The following INTS13 variants were observed in gnomAD, a reference collection of about 807,000 sequenced individuals.
INTS13 encodes the protein asunder, spermatogenesis regulator homolog (Drosphila).
Under a neutral mutation model 90.2 loss-of-function variants are expected in INTS13, and 35 were observed. The ratio of observed to expected loss-of-function variants is 0.39; its 90% CI spans 0.30 to 0.51. The LOEUF (loss-of-function observed/expected upper bound fraction) is 0.51, where lower values mean the gene tolerates loss of function less well. INTS13 is among the 20% of genes least tolerant of loss of function. The pLI is 0.80. For synonymous variants in INTS13, 309 were observed against 277.1 expected (o/e 1.11, Z -1.14); for missense variants, 601 against 851.2 (o/e 0.71, Z 3.66).
chr12:26,908,518 T>C (rs993535903), intron 15 of INTS13, among the ~76,000 whole-genome samples: 1 of 151,360 alleles, frequency 6.6e-6, no homozygotes, highest in East Asian at 1.9e-4. Flanking sequence ...CCAATCTATA[T>C]CAACAAATGG....
chr12:26,925,150 A>T (rs1214745230), intron 6 of INTS13, among the ~76,000 whole-genome samples: 7 of 152,150 alleles, frequency 4.6e-5, no homozygotes, highest in Non-Finnish European at 8.8e-5. Context: ...ATGACTAAAA[A>T]TACCACTTAA....
At chr12:26,906,487 T>TACTTCCAA in intron 15 of INTS13, 50 bp from the exon 16 acceptor site, 2 of 1,513,242 alleles carry the variant, frequency 1.3e-6, no homozygotes, top group South Asian at 1.2e-5. Context: ...AATAATTTAT[T>TACTTCCAA]ATTTCCAAAT....
rs756354936 is a variant in INTS13, at chr12:26,917,726, C to T, written c.897G>A (p.Ser299=). The T allele has an allele frequency of 6.2e-6, 10 of 1,612,422 alleles. No individual in the cohort carries two copies. Among genetic ancestry groups the T allele is most frequent in the South Asian group, 1.1e-5 (1 of 91,054 alleles). Residue 299 remains serine (S), a synonymous_variant, in exon 9 of 17, where the codon TCG becomes TCA. Transcript: ENST00000261191. ...CTTCTCGACTGCCGCCACCTAGATG[C>T]GAATCACCTTTAAAAATATGTCAGA... ...AHVDFLKSGD[S]HLGGGSREGS... is the part of the protein sequence containing the mutation.
At position 26,917,338 on chromosome 12, in the gene INTS13, ATAAT is replaced by A. The variant is rs1592208193; in HGVS notation, c.1069+10_1069+13del. ...AAATAATTTCAGTCAAAACCATTAA[ATAAT>A]TAAAGTTACCATTTAGAAGAAAATT... On this transcript the variant is annotated intron_variant, in intron 10 of 16. Transcript: ENST00000261191. The A allele has an allele frequency of 4.6e-6, 5 of 1,091,066 alleles. No individual in the cohort carries two copies. The South Asian group carries it at 5.6e-5, about 12-fold the overall frequency. 67.6% of individuals were successfully genotyped at this position (1,091,066 alleles called of 1,614,324 possible). A position where few individuals can be genotyped will look rare whatever the true frequency, so the allele number is the denominator to read the frequency against.
chr12:26,928,622 T>C, intron 4 of INTS13, 81 bp downstream of exon 4: 1 of 1,388,706 alleles, frequency 7.2e-7, no homozygotes, highest in South Asian at 1.2e-5. Context: ...CATGTAAACA[T>C]GCTGTCTCTA....
At chr12:26,908,142 T>C (rs1051737253) in intron 15 of INTS13, among the ~76,000 whole-genome samples, 2 of 152,084 alleles carry the variant, frequency 1.3e-5, no homozygotes, top group African/African-American at 4.8e-5. Flanking sequence ...GGGAGCACAA[T>C]TATAGGAAGA....
At chr12:26,930,751 C>A (rs1202218185) in intron 3 of INTS13, among the ~76,000 whole-genome samples, 1 of 151,648 alleles carries the variant, frequency 6.6e-6, no homozygotes, top group Non-Finnish European at 1.5e-5. Flanking sequence ...GAGGTGCAGT[C>A]AGTAGGTACA....
intron 8 of INTS13, 47 bp from the exon 9 acceptor site, chr12:26,917,780 A>C: frequency 3.0e-6 from 4 of 1,328,458 alleles, no homozygotes; most frequent in Non-Finnish European, 4.3e-6. Context: ...CATGTATCAA[A>C]ACATCACACT....
At position 26,936,630 on chromosome 12, in the gene INTS13, A is replaced by C. The variant is rs1938478213; in HGVS notation, c.174T>G (p.Ser58=). Reference sequence around the variant, plus strand: ...ACATTATTCTACAATATTCCATGGAAGATTCTACTGAGCAAGTCCACAATG... The same window carrying C: ...ACATTATTCTACAATATTCCATGGACGATTCTACTGAGCAAGTCCACAATG... ...SKSLWTCSVE[S]SMEYCRIMYD... is the part of the protein sequence containing the mutation. The change falls in exon 2 of 17, where the codon TCT becomes TCG. Residue 58 remains serine, a synonymous_variant. Transcript: ENST00000261191. 6.2e-6 allele frequency: 10 copies of C among 1,613,320 alleles called. No homozygotes were observed. Among genetic ancestry groups the C allele is most frequent in the Non-Finnish European group, 8.5e-6 (10 of 1,179,412 alleles).
At position 26,913,982 on chromosome 12, in the gene INTS13, G is replaced by A. The variant is rs755985515; in HGVS notation, c.1566C>T (p.Gly522=). ...PISTVGTRGK[G]PKRDEQYRIM... is the part of the protein sequence containing the mutation. ...AAGAAAAAAAAATGTACCTTTTAGG[G>A]CCCTTTCCTCTTGTACCAACTGTGG... is the stretch of plus-strand genomic sequence containing the variant. The change falls in exon 13 of 17, where the codon GGC becomes GGT. Residue 522 remains glycine (G), a synonymous_variant. Coordinates refer to ENST00000261191, the MANE Select transcript of INTS13 (RefSeq NM_018164.3). 2 of 1,604,642 alleles carry A rather than the reference G, an allele frequency of 1.2e-6. No individual in the cohort carries two copies. The highest frequency in any genetic ancestry group is 1.7e-6 in the Non-Finnish European group (2 of 1,177,764).
chr12:26,909,807 A>C (rs1471956523), intron 15 of INTS13, among the ~76,000 whole-genome samples: 2 of 152,240 alleles, frequency 1.3e-5, no homozygotes, highest in African/African-American at 4.8e-5. Context: ...GAAGAATATA[A>C]CATGTATCAC....
intron 8 of INTS13, among the ~76,000 whole-genome samples, chr12:26,920,500 G>C (rs1178532547): frequency 6.6e-6 from 1 of 151,654 alleles, no homozygotes; most frequent in Non-Finnish European, 1.5e-5. Flanking sequence ...CCGGGTTCAA[G>C]CGATTCCCCT....
chr12:26,912,418 T>C (rs867951231), intron 14 of INTS13, among the ~76,000 whole-genome samples: 4 of 152,090 alleles, frequency 2.6e-5, no homozygotes, highest in Non-Finnish European at 4.4e-5. Context: ...GCCTGGGTGA[T>C]AGAGCGAGAC....
At chr12:26,921,206 C>T (rs1302035034) in intron 8 of INTS13, among the ~76,000 whole-genome samples, 1 of 152,222 alleles carries the variant, frequency 6.6e-6, no homozygotes, top group African/African-American at 2.4e-5. Flanking sequence ...CCAGAGTCTT[C>T]TCCCCTAAAC....
At chr12:26,930,038 G>A (rs552449197) in intron 3 of INTS13, among the ~76,000 whole-genome samples, 2 of 152,138 alleles carry the variant, frequency 1.3e-5, no homozygotes, top group East Asian at 1.9e-4. Flanking sequence ...ACAATAATCT[G>A]AAGACTAAAT....
At chr12:26,935,932 T>C (rs1003425047) in intron 2 of INTS13, among the ~76,000 whole-genome samples, 2 of 152,192 alleles carry the variant, frequency 1.3e-5, no homozygotes, top group Non-Finnish European at 2.9e-5. Flanking sequence ...AAGATTAAAC[T>C]TTAATACCTG....
At chr12:26,913,316 G>C in intron 14 of INTS13, 141 bp downstream of exon 14, 1 of 668,008 alleles carries the variant, frequency 1.5e-6, no homozygotes, top group African/African-American at 1.8e-5. Flanking sequence ...TTTTAAGAAT[G>C]ATAAAATTAC....
intron 8 of INTS13, among the ~76,000 whole-genome samples, chr12:26,919,223 T>C (rs561816884): frequency 1.1e-4 from 17 of 151,688 alleles, no homozygotes; most frequent in Admixed American, 2.6e-4. Flanking sequence ...GGAAAGACTA[T>C]TCAGGCAAAA....
intron 12 of INTS13, 120 bp downstream of exon 12, chr12:26,914,288 G>A (rs1397475268): frequency 8.3e-7 from 1 of 1,210,126 alleles, no homozygotes; most frequent in African/African-American, 1.6e-5. Context: ...TTTAACTTTA[G>A]CAAGCTCATA....
Sources: allele counts gnomAD v4.1 joint callset (sites outside exome capture counted in the v4.1 genomes callset), GRCh38; gene constraint gnomAD v4.1.1; transcripts MANE v1.5; gene names NCBI Gene and HGNC (gene_info 2026-07-23, HGNC 2026-07-21).